EPB42: variants seen among roughly 807,000 people sequenced by gnomAD.
EPB42 encodes protein 4.2.
Under a neutral mutation model 76.9 loss-of-function variants are expected in EPB42, and 49 were observed. The ratio of observed to expected loss-of-function variants is 0.64; its 90% CI spans 0.51 to 0.81. The LOEUF (loss-of-function observed/expected upper bound fraction) is 0.81. Among genes scored for constraint, EPB42 ranks in the 30% least tolerant of loss-of-function variants. EPB42 has a pLI of 0.00. For missense variants in EPB42, 731 were observed against 867.6 expected (o/e 0.84, Z 1.98); for synonymous variants, 310 against 338.4 (o/e 0.92, Z 0.92).
Position 43,210,409 on chromosome 15 carries a change from G to A in EPB42, c.580C>T (p.Arg194Cys), listed in dbSNP as rs139182437. The change falls in exon 5 of 13, where the codon CGC becomes TGC. Residue 194 changes from arginine (R) to cysteine (C), a missense_variant. By Grantham distance (180) the Arg-to-Cys change is radical. Transcript: ENST00000441366. Reference sequence around the variant, plus strand: ...ACCTGCTTGTCCTTGCTCAGCAAGCGCAGGCTGAGGTCAATGACATCCCCC... The same window carrying A: ...ACCTGCTTGTCCTTGCTCAGCAAGCACAGGCTGAGGTCAATGACATCCCCC... ...FEGDVIDLSLRLLSKDKQVEK... is the reference protein window; with the variant it reads ...FEGDVIDLSLCLLSKDKQVEK... 1.7e-5 allele frequency: 28 copies of A among 1,613,652 alleles called. No individual in the cohort carries two copies. The highest frequency in any genetic ancestry group is 2.2e-5 in the East Asian group (1 of 44,894).
rs201351228 is a variant in EPB42, at chr15:43,208,306, C to T, written c.999G>A (p.Trp333Ter). ...IWIFQTSTEC[W>*]MTRPALPQGY... ...CCTGGGGCAAGGCAGGCCGCGTCAT[C>T]CAGCACTCTGTGGAAGTCTGGAAGA... Residue 333 changes from tryptophan (W) to a stop codon, truncating the protein, a stop_gained, in exon 8 of 13, where the codon TGG (tryptophan) becomes TGA (stop). Coordinates refer to ENST00000441366, the MANE Select transcript of EPB42 (RefSeq NM_001114134.2). LOFTEE classifies it high-confidence loss of function. The T allele has an allele frequency of 3.5e-5, 57 of 1,613,978 alleles. 1 individual carries two copies.
intron 1 of EPB42, among the ~76,000 whole-genome samples, chr15:43,216,763 T>C (rs1277052674): frequency 6.6e-6 from 1 of 152,216 alleles, no homozygotes; most frequent in Non-Finnish European, 1.5e-5. Flanking sequence ...CGTTGCTTAC[T>C]CTCATTGTTG....
Position 43,204,329 on chromosome 15 carries a change from A to ATGC in EPB42, c.1619-1057_1619-1055dup, listed in dbSNP as rs1020406366. Among the ~76,000 whole-genome samples the ATGC allele has an allele frequency of 1.7e-3, 252 of 151,854 alleles. 2 individuals are homozygous for ATGC. The highest frequency in any genetic ancestry group is 5.0e-3 in the African/African-American group (208 of 41,402). On this transcript the variant is annotated intron_variant, in intron 10 of 12. Coordinates refer to ENST00000441366, the MANE Select transcript of EPB42 (RefSeq NM_001114134.2). ...TGCTTTTCCTCTGATCGCCCCCTAA[A>ATGC]TGCTGCTGCTGCTGCTGGGTTCCCT... is the stretch of plus-strand genomic sequence containing the variant.
At chr15:43,209,161 G>C in intron 6 of EPB42, 113 bp downstream of exon 6, 1 of 1,227,102 alleles carries the variant, frequency 8.1e-7, no homozygotes, top group Non-Finnish European at 1.2e-6. Context: ...TGATGAGATG[G>C]GGAAATGCGG....
chr15:43,210,314 G>T, intron 5 of EPB42, 21 bp downstream of exon 5: 1 of 1,609,412 alleles, frequency 6.2e-7, no homozygotes, highest in Non-Finnish European at 8.5e-7. Flanking sequence ...CCCCATTCTG[G>T]TTCCCCAGCC....
intron 1 of EPB42, among the ~76,000 whole-genome samples, chr15:43,219,992 C>A (rs1211259362): frequency 6.6e-6 from 1 of 151,450 alleles, no homozygotes; most frequent in East Asian, 1.9e-4. Context: ...CCTATTTTCA[C>A]AAGACGTGGC....
intron 12 of EPB42, among the ~76,000 whole-genome samples, chr15:43,201,394 C>T (rs537604521): frequency 2.6e-5 from 4 of 152,080 alleles, no homozygotes; most frequent in South Asian, 4.2e-4. Flanking sequence ...TTTATACGTA[C>T]GAATAAAAGG....
intron 10 of EPB42, among the ~76,000 whole-genome samples, chr15:43,205,692 G>A (rs762990238): frequency 4.6e-5 from 7 of 152,138 alleles, no homozygotes; most frequent in African/African-American, 9.7e-5. Context: ...GAGCCACTGC[G>A]TCCAGCCCAC....
chr15:43,197,859 G>A (rs1596399610), intron 12 of EPB42, among the ~76,000 whole-genome samples: 1 of 152,194 alleles, frequency 6.6e-6, no homozygotes, highest in Non-Finnish European at 1.5e-5. Context: ...GACCCAGGGG[G>A]AGGTAATTGA....
intron 12 of EPB42, among the ~76,000 whole-genome samples, chr15:43,200,540 T>A (rs1413457889): frequency 6.6e-6 from 1 of 152,142 alleles, no homozygotes; most frequent in East Asian, 1.9e-4. Context: ...AACTACTTAC[T>A]GAGAAGAAAA....
chr15:43,206,496 G>C lies in EPB42; in HGVS notation c.1452C>G (p.Ser484=). The change falls in exon 10 of 13, where the codon TCC becomes TCG. Residue 484 remains serine (S), a synonymous_variant. Coordinates refer to ENST00000441366, the MANE Select transcript of EPB42 (RefSeq NM_001114134.2). The surrounding 1 kb of genome is among the most constrained non-coding windows in gnomAD (Gnocchi z 4.7). ...TCTGGGCATCCCCTCTCAGGGGTAG[G>C]GAGCTGGGTGCTTTCAAGAGCAGGT... ...PLYLLLKAPS[S]LPLRGDAQIS... 1 of 1,614,082 alleles carries C rather than the reference G, an allele frequency of 6.2e-7. No individual in the cohort carries two copies. Among genetic ancestry groups the C allele is most frequent in the Non-Finnish European group, 8.5e-7 (1 of 1,179,916 alleles).
intron 12 of EPB42, among the ~76,000 whole-genome samples, chr15:43,198,092 T>A (rs2142252287): frequency 6.6e-6 from 1 of 152,348 alleles, no homozygotes; most frequent in East Asian, 1.9e-4. Context: ...CTCAGGTATG[T>A]CTTTATCAGC....
chr15:43,209,012 G>T (rs548741887), intron 6 of EPB42, among the ~76,000 whole-genome samples: 1 of 152,332 alleles, frequency 6.6e-6, no homozygotes, highest in South Asian at 2.1e-4. Context: ...AGAACACAGC[G>T]CTGCGGGGCT....
At chr15:43,222,456 T>C (rs1175557459), upstream of EPB42, among the ~76,000 whole-genome samples, 2 of 152,210 alleles carry the variant, frequency 1.3e-5, no homozygotes, top group Non-Finnish European at 2.9e-5. Context: ...AAATAAGACT[T>C]GAGCAGATAA....
At chr15:43,211,313 C>T in intron 4 of EPB42, 103 bp downstream of exon 4, 1 of 813,134 alleles carries the variant, frequency 1.2e-6, no homozygotes, top group South Asian at 1.3e-5. Flanking sequence ...AAGAAATGGT[C>T]TCATGACCAG....
chr15:43,207,344 G>A lies in EPB42; in HGVS notation c.1173C>T (p.Ala391=), dbSNP rs779896054. The A allele has an allele frequency of 8.1e-6, 13 of 1,614,222 alleles. No individual in the cohort carries two copies. In the Admixed American group the frequency reaches 8.3e-5, roughly 10 times the overall value. The change falls in exon 9 of 13, where the codon GCC becomes GCT. Residue 391 remains alanine, a synonymous_variant. Coordinates refer to ENST00000441366, the MANE Select transcript of EPB42 (RefSeq NM_001114134.2). The part of the protein sequence containing the change: ...AVSDLFAAIN[A]SCVVWKCCED... Reference sequence around the variant, plus strand: ...CACAGCACTTCCAGACCACACATGAGGCATTTATGGCAGCAAAAAGGTCTG... The same window carrying A: ...CACAGCACTTCCAGACCACACATGAAGCATTTATGGCAGCAAAAAGGTCTG...
intron 3 of EPB42, among the ~76,000 whole-genome samples, chr15:43,213,187 C>T (rs2142308441): frequency 6.6e-6 from 1 of 152,252 alleles, no homozygotes; most frequent in East Asian, 1.9e-4. Context: ...ATCTACAGGG[C>T]TCTAGGAAGT....
upstream of EPB42, among the ~76,000 whole-genome samples, chr15:43,222,275 A>G (rs1016833913): frequency 6.6e-6 from 1 of 152,242 alleles, no homozygotes; most frequent in Non-Finnish European, 1.5e-5. Context: ...CTAATACCAA[A>G]AGTATAGAAG....
chr15:43,211,337 T>C, intron 4 of EPB42, 79 bp downstream of exon 4: 1 of 948,918 alleles, frequency 1.1e-6, no homozygotes, highest in Non-Finnish European at 1.7e-6. Context: ...TTTTTGGACC[T>C]ACCAGCTCTG....
Sources: gnomAD v4.1 joint callset for allele counts (sites outside exome capture counted in the v4.1 genomes callset) on GRCh38, gnomAD v4.1.1 for gene constraint, Gnocchi (gnomAD v3.1) non-coding constraint, MANE v1.5 for transcripts, NCBI Gene and HGNC (gene_info 2026-07-23, HGNC 2026-07-21) for gene names.